Variants in CNTNAP3B observed in about 807,000 individuals in gnomAD.
CNTNAP3B encodes the protein contactin associated protein family member 3B, also known as contactin-associated protein-like 3B.
A neutral mutation model predicts 108.9 loss-of-function variants in CNTNAP3B; 25 were observed. That is an observed-to-expected ratio of 0.23 (90% CI 0.17 to 0.32). The LOEUF is 0.32. Among genes scored for constraint, CNTNAP3B ranks in the 10% least tolerant of loss-of-function variants. CNTNAP3B has a pLI of 1.00. For missense variants in CNTNAP3B, 252 were observed against 1,210.4 expected (o/e 0.21, Z 11.75); for synonymous variants, 103 against 473.4 (o/e 0.22, Z 10.16).
intron 14 of CNTNAP3B, among the ~76,000 whole-genome samples, chr9:41,934,366 C>T (rs1156263123): frequency 6.6e-6 from 1 of 152,190 alleles, no homozygotes. Flanking sequence ...CTACAGGCGC[C>T]CACCACCATG....
At chr9:41,933,742 T>C (rs1824052039) in intron 14 of CNTNAP3B, among the ~76,000 whole-genome samples, 1 of 152,294 alleles carries the variant, frequency 6.6e-6, no homozygotes, top group Non-Finnish European at 1.5e-5. Flanking sequence ...TTCCAAACTT[T>C]TCATCACTTA....
chr9:41,934,628 G>A (rs1201034632), intron 14 of CNTNAP3B, among the ~76,000 whole-genome samples: 26 of 152,390 alleles, frequency 1.7e-4, no homozygotes, highest in Admixed American at 1.4e-3. Context: ...CCCTAACAAT[G>A]CTTTTCATCT....
chr9:42,000,034 ATTGT>A lies in CNTNAP3B; in HGVS notation c.539-1434_539-1431del, dbSNP rs1183697776. Among the ~76,000 whole-genome samples, 6 of 112,862 alleles carry A rather than the reference ATTGT, an allele frequency of 5.3e-5. 1 individual carries two copies. Among genetic ancestry groups the A allele is most frequent in the African/African-American group, 1.9e-4 (5 of 26,458 alleles). 74.0% of individuals were successfully genotyped at this position (112,862 alleles called of 152,430 possible). On this transcript the variant is annotated intron_variant, in intron 4 of 23. Coordinates refer to ENST00000377561, the MANE Select transcript of CNTNAP3B (RefSeq NM_001201380.3). ...ATGTCATTCAAGCCAATAAGATGGC[ATTGT>A]TTAATTATATTTAATTTCACAAAAA... is the stretch of plus-strand genomic sequence containing the variant.
At chr9:41,938,644 T>C (rs1379917185) in intron 13 of CNTNAP3B, among the ~76,000 whole-genome samples, 6 of 152,260 alleles carry the variant, frequency 3.9e-5, no homozygotes, top group Non-Finnish European at 5.9e-5. Flanking sequence ...CTATTAGAAA[T>C]CAGTCAGTTG....
intron 15 of CNTNAP3B, among the ~76,000 whole-genome samples, chr9:41,924,607 C>T (rs1488423004): frequency 3.4e-4 from 50 of 147,328 alleles, no homozygotes; most frequent in African/African-American, 1.2e-3. Context: ...GGAAAAATGA[C>T]TCCAGAAGCC....
At chr9:42,061,317 C>CTTTTTTTTTTTTTTTTTTTTTTT in intron 3 of CNTNAP3B, among the ~76,000 whole-genome samples, 1 of 93,072 alleles carries the variant, frequency 1.1e-5, no homozygotes, top group Non-Finnish European at 2.0e-5. Flanking sequence ...TTTTCTTTTT[C>CTTTTTTTTTTTTTTTTTTTTTTT]TTTTTTTTTT....
chr9:42,014,876 A>G (rs1304813458), intron 3 of CNTNAP3B, among the ~76,000 whole-genome samples: 4 of 48,072 alleles, frequency 8.3e-5, no homozygotes, highest in Admixed American at 2.4e-4. Context: ...CCAACCACCA[A>G]TGGGTGTCCC....
At position 41,951,161 on chromosome 9, in the gene CNTNAP3B, G is replaced by A. The variant is rs200989480; in HGVS notation, c.2080+2022C>T. On this transcript the variant is annotated intron_variant, in intron 13 of 23. Coordinates refer to ENST00000377561, the MANE Select transcript of CNTNAP3B (RefSeq NM_001201380.3). ...ATACTTCTACAAGATGTCACCTTGG[G>A]GTGGGGGAACTGCTTAACGGCTATT... Among the ~76,000 whole-genome samples the A allele has an allele frequency of 9.1e-5, 13 of 142,868 alleles. No individual in the cohort carries two copies. In the East Asian group the frequency reaches 2.6e-3, roughly 29 times the overall value. 93.7% of individuals were successfully genotyped at this position (142,868 alleles called of 152,430 possible).
chr9:41,973,249 G>T (rs1342589653), intron 9 of CNTNAP3B, among the ~76,000 whole-genome samples: 1 of 143,536 alleles, frequency 7.0e-6, no homozygotes, highest in African/African-American at 2.6e-5. Flanking sequence ...GCCCAGCCAG[G>T]TTATTCTTAA....
intron 18 of CNTNAP3B, among the ~76,000 whole-genome samples, chr9:41,915,636 A>G (rs1823496043): frequency 1.4e-5 from 2 of 142,998 alleles, no homozygotes; most frequent in Admixed American, 6.9e-5. Context: ...CATATTGAGA[A>G]AGTTCCCTTC....
intron 2 of CNTNAP3B, among the ~76,000 whole-genome samples, chr9:42,094,715 CAAGG>C (rs1209160324): frequency 0.02 from 1,306 of 66,954 alleles, 46 homozygotes; most frequent in African/African-American, 0.073. Context: ...AGGAAAAAAG[CAAGG>C]AAGGAAGGAA....
At chr9:41,916,115 A>T (rs1823510956) in intron 18 of CNTNAP3B, among the ~76,000 whole-genome samples, 1 of 146,692 alleles carries the variant, frequency 6.8e-6, no homozygotes, top group African/African-American at 2.6e-5. Context: ...AAATATTTAT[A>T]GACTTTGTCT....
At chr9:41,924,643 C>CCGCGCGCGCG (rs1823758533) in intron 15 of CNTNAP3B, among the ~76,000 whole-genome samples, 1 of 50,498 alleles carries the variant, frequency 2.0e-5, no homozygotes. Flanking sequence ...GCTTTCCTTC[C>CCGCGCGCGCG]TGCACACACA....
At chr9:41,943,826 C>A (rs1161913894) in intron 13 of CNTNAP3B, among the ~76,000 whole-genome samples, 1 of 152,122 alleles carries the variant, frequency 6.6e-6, no homozygotes, top group Non-Finnish European at 1.5e-5. Flanking sequence ...AATCACCAAG[C>A]AGGTTAAATA....
intron 14 of CNTNAP3B, among the ~76,000 whole-genome samples, chr9:41,930,648 A>T (rs1007305818): frequency 6.6e-6 from 1 of 152,304 alleles, no homozygotes; most frequent in Admixed American, 6.5e-5. Context: ...AATATATTTT[A>T]GTCTCTGCCT....
At chr9:41,930,571 CCAAA>C (rs1211073857) in intron 14 of CNTNAP3B, among the ~76,000 whole-genome samples, 2 of 151,674 alleles carry the variant, frequency 1.3e-5, no homozygotes, top group Admixed American at 6.6e-5. Flanking sequence ...ACAAAAAACC[CCAAA>C]CACTCAGCGC....
chr9:41,978,035 T>C (rs1825555037), intron 9 of CNTNAP3B, among the ~76,000 whole-genome samples: 1 of 121,788 alleles, frequency 8.2e-6, no homozygotes. Context: ...AAGAAGCACC[T>C]CAAGCATTGA....
chr9:42,121,735 T>C (rs1301115439), intron 1 of CNTNAP3B, among the ~76,000 whole-genome samples: 5 of 140,206 alleles, frequency 3.6e-5, no homozygotes, highest in Non-Finnish European at 7.7e-5. Context: ...TTTGCTTATC[T>C]ATAGGTAAGA....
chr9:41,966,708 C>T (rs1374542968), intron 10 of CNTNAP3B, among the ~76,000 whole-genome samples: 2 of 152,258 alleles, frequency 1.3e-5, no homozygotes, highest in African/African-American at 4.8e-5. Flanking sequence ...TGGCTCACGC[C>T]TGTAATCCCA....
Sources: allele counts gnomAD v4.1 joint callset (sites outside exome capture counted in the v4.1 genomes callset), GRCh38; gene constraint gnomAD v4.1.1; transcripts MANE v1.5; gene names NCBI Gene and HGNC (gene_info 2026-07-23, HGNC 2026-07-21).